The following SGCZ variants were observed in gnomAD, a reference collection of about 807,000 sequenced individuals.
SGCZ encodes sarcoglycan zeta.
SGCZ carries 40 observed loss-of-function variants against 41.3 expected under a neutral mutation model. The observed-to-expected ratio is 0.97, with a 90% CI of 0.75 to 1.26. The LOEUF (loss-of-function observed/expected upper bound fraction) is 1.26, where lower values mean the gene tolerates loss of function less well. SGCZ is among the 50% of genes most tolerant of loss of function. The pLI, the probability that SGCZ is intolerant of heterozygous loss-of-function variation, is 0.00. For missense variants in SGCZ, 552 were observed against 369.8 expected (o/e 1.49, Z -4.04); for synonymous variants, 206 against 137.5 (o/e 1.50, Z -3.49).
At chr8:14,515,771 A>C (rs1010547584) in intron 2 of SGCZ, among the ~76,000 whole-genome samples, 35 of 152,090 alleles carry the variant, frequency 2.3e-4, no homozygotes, top group African/African-American at 7.5e-4. Context: ...ATGGTAGCTG[A>C]GTGAGCCAAT....
At chr8:15,137,917 C>A (rs1442508518) in intron 1 of SGCZ, among the ~76,000 whole-genome samples, 1 of 152,256 alleles carries the variant, frequency 6.6e-6, no homozygotes, top group Admixed American at 6.5e-5. Context: ...CCTCCAGACC[C>A]CAGAATGGTA....
chr8:14,889,618 T>G (rs927837209), intron 1 of SGCZ, among the ~76,000 whole-genome samples: 1 of 152,084 alleles, frequency 6.6e-6, no homozygotes, highest in African/African-American at 2.4e-5. Context: ...GTGTATTACA[T>G]ATTTTTGAAG....
intron 2 of SGCZ, among the ~76,000 whole-genome samples, chr8:14,377,680 T>TC (rs1264629035): frequency 7.4e-6 from 1 of 134,456 alleles, no homozygotes; most frequent in Non-Finnish European, 1.6e-5. Flanking sequence ...CCCTCCCCAC[T>TC]CCCCCCACCC....
At chr8:14,502,628 T>G (rs1266169183) in intron 2 of SGCZ, among the ~76,000 whole-genome samples, 3 of 151,786 alleles carry the variant, frequency 2.0e-5, no homozygotes, top group African/African-American at 7.2e-5. Flanking sequence ...ACAACCCCAT[T>G]AAAAAGTGGG....
chr8:14,527,505 AT>A (rs373603993), intron 2 of SGCZ, among the ~76,000 whole-genome samples: 4 of 152,144 alleles, frequency 2.6e-5, no homozygotes, highest in African/African-American at 9.6e-5. Context: ...AGTTCTCACT[AT>A]TTTGCCCAGG....
chr8:15,131,717 A>T (rs1807909748), intron 1 of SGCZ, among the ~76,000 whole-genome samples: 1 of 152,102 alleles, frequency 6.6e-6, no homozygotes, highest in Non-Finnish European at 1.5e-5. Flanking sequence ...CCTAATAGCA[A>T]CCAGCTCTGT....
intron 2 of SGCZ, among the ~76,000 whole-genome samples, chr8:14,365,215 A>T (rs1486708451): frequency 1.3e-5 from 2 of 151,996 alleles, no homozygotes; most frequent in Non-Finnish European, 2.9e-5. Flanking sequence ...TTTATACTTT[A>T]TTATACATTT....
At chr8:14,894,183 T>C (rs928662219) in intron 1 of SGCZ, among the ~76,000 whole-genome samples, 11 of 152,220 alleles carry the variant, frequency 7.2e-5, no homozygotes, top group African/African-American at 2.2e-4. Context: ...AACTGCCTCA[T>C]AGTACTTAAA....
At chr8:14,829,801 ATGTTTTGTTT>A (rs571377682) in intron 1 of SGCZ, among the ~76,000 whole-genome samples, 2 of 151,940 alleles carry the variant, frequency 1.3e-5, no homozygotes, top group South Asian at 2.1e-4. Flanking sequence ...GTTCCCTAAC[ATGTTTTGTTT>A]TGTTTTGTTT....
intron 1 of SGCZ, among the ~76,000 whole-genome samples, chr8:15,191,987 C>T (rs574636212): frequency 7.2e-5 from 11 of 152,006 alleles, no homozygotes; most frequent in Non-Finnish European, 1.2e-4. Flanking sequence ...GTAAAAATTG[C>T]ATAAAAGTAG....
intron 2 of SGCZ, among the ~76,000 whole-genome samples, chr8:14,353,124 A>C (rs1318292215): frequency 1.3e-5 from 2 of 151,968 alleles, no homozygotes; most frequent in African/African-American, 2.4e-5. Context: ...GACCTTGGGC[A>C]AGTTACCCAA....
chr8:14,607,077 A>C (rs991066092), intron 1 of SGCZ, among the ~76,000 whole-genome samples: 1 of 152,150 alleles, frequency 6.6e-6, no homozygotes, highest in Non-Finnish European at 1.5e-5. Flanking sequence ...TGGCTCATCT[A>C]TTCATTGACT....
chr8:14,208,627 T>C (rs186960525), intron 4 of SGCZ, among the ~76,000 whole-genome samples: 15 of 152,252 alleles, frequency 9.9e-5, no homozygotes, highest in Non-Finnish European at 2.1e-4. Flanking sequence ...TTTCTTTTTT[T>C]TTGGTGTGAA....
chr8:14,822,694 T>G (rs1272054385), intron 1 of SGCZ, among the ~76,000 whole-genome samples: 1 of 152,074 alleles, frequency 6.6e-6, no homozygotes, highest in Non-Finnish European at 1.5e-5. Flanking sequence ...CCAATTGATT[T>G]TCAACCAAGA....
At chr8:14,836,266 C>G (rs904018245) in intron 1 of SGCZ, among the ~76,000 whole-genome samples, 1 of 152,242 alleles carries the variant, frequency 6.6e-6, no homozygotes, top group African/African-American at 2.4e-5. Context: ...GAGTGAATCA[C>G]TTATGCTGAA....
chr8:14,556,442 A>AT (rs34079980), intron 1 of SGCZ, among the ~76,000 whole-genome samples: 2 of 151,454 alleles, frequency 1.3e-5, no homozygotes, highest in Non-Finnish European at 2.9e-5. Context: ...AATGTTGAGA[A>AT]TTTTTTTTTC....
In SGCZ at chr8:14,769,804, A is replaced by C. The variant is rs575523375; in HGVS notation, c.40-214878T>G. On this transcript the variant is annotated intron_variant, in intron 1 of 7. Transcript: ENST00000382080. ...GAGCAAAACACCATTAAAAAAAAAA[A>C]AAAAAAAAAAACCCAGCAACAAAAT... Among the ~76,000 whole-genome samples, 5 of 149,880 alleles carry C rather than the reference A, an allele frequency of 3.3e-5. No homozygotes were observed. The South Asian group carries it at 6.3e-4, about 19-fold the overall frequency.
At chr8:14,283,303 C>T (rs543266255) in intron 3 of SGCZ, among the ~76,000 whole-genome samples, 126 of 152,234 alleles carry the variant, frequency 8.3e-4, no homozygotes, top group Non-Finnish European at 1.7e-3. Context: ...AATTCTGAGC[C>T]CTTTTCACTT....
chr8:14,902,634 C>T (rs1799003339), intron 1 of SGCZ, among the ~76,000 whole-genome samples: 1 of 152,110 alleles, frequency 6.6e-6, no homozygotes, highest in South Asian at 2.1e-4. Context: ...ATGCCAGCCT[C>T]TTCAGAAAGT....
Sources: allele counts gnomAD v4.1 joint callset (sites outside exome capture counted in the v4.1 genomes callset), GRCh38; gene constraint gnomAD v4.1.1; transcripts MANE v1.5; gene names NCBI Gene and HGNC (gene_info 2026-07-23, HGNC 2026-07-21).